Variants in GRAMD4 observed in about 807,000 individuals in gnomAD.
GRAMD4 encodes GRAM domain-containing protein 4.
In GRAMD4, 25 loss-of-function variants were observed where a neutral mutation model predicts 83.9. The ratio of observed to expected loss-of-function variants is 0.30; its 90% CI spans 0.22 to 0.42. The LOEUF is 0.42. Ranked by LOEUF, GRAMD4 falls within the 10% of genes least tolerant of loss-of-function variation. The pLI is 1.00. For missense variants in GRAMD4, 593 were observed against 788.7 expected (o/e 0.75, Z 2.97); for synonymous variants, 336 against 320.9 (o/e 1.05, Z -0.50).
At chr22:46,658,443 G>A in intron 4 of GRAMD4, 136 bp downstream of exon 4, 1 of 867,716 alleles carries the variant, frequency 1.2e-6, no homozygotes. Context: ...TGAGTGTGAG[G>A]GTGGGCCCGG....
chr22:46,589,321 G>A (rs5767278), intron 1 of GRAMD4, among the ~76,000 whole-genome samples: 29,183 of 132,248 alleles, frequency 0.22, 4,580 homozygotes, highest in East Asian at 0.61. Flanking sequence ...GATATGTGGG[G>A]GAGCCCTGGG....
At chr22:46,671,084 G>T (rs774820600) in intron 13 of GRAMD4, 1 of 469,060 alleles carries the variant, frequency 2.1e-6, no homozygotes, top group Non-Finnish European at 4.4e-6. Context: ...AGGGGCAGAG[G>T]CTGCCTGCTC....
chr22:46,640,595 C>T (rs1207148993), intron 3 of GRAMD4, among the ~76,000 whole-genome samples: 3 of 152,084 alleles, frequency 2.0e-5, no homozygotes, highest in Admixed American at 2.0e-4. Flanking sequence ...CTTGGTAGCT[C>T]GTGAAGTAAA....
intron 3 of GRAMD4, among the ~76,000 whole-genome samples, chr22:46,657,588 G>A (rs2082262878): frequency 6.6e-6 from 1 of 152,184 alleles, no homozygotes; most frequent in Non-Finnish European, 1.5e-5. Flanking sequence ...CTTTCCCAGG[G>A]TCTGTGGCCT....
intron 5 of GRAMD4, among the ~76,000 whole-genome samples, chr22:46,662,070 T>G (rs761175236): frequency 1.3e-5 from 2 of 152,164 alleles, no homozygotes; most frequent in African/African-American, 2.4e-5. Context: ...AGTCCATAAA[T>G]AAAGTCCATG....
rs145818314 is a variant in GRAMD4, at chr22:46,581,710, G to A, written c.-50+4420G>A. ...GGTGCTCTTGTTAGCTGCATTTCAC[G>A]CAGGAGGAAGCCCTGGCACAGAGCC... On this transcript the variant is annotated intron_variant, in intron 1 of 1. Coordinates refer to the GRAMD4 transcript ENST00000431155. Among the ~76,000 whole-genome samples the A allele has an allele frequency of 5.9e-5, 9 of 152,350 alleles. No individual in the cohort carries two copies. In the East Asian group the frequency reaches 1.7e-3, roughly 29 times the overall value.
At chr22:46,676,710 C>T (rs750607256) in intron 18 of GRAMD4, 42 bp downstream of exon 18, 207 of 1,521,900 alleles carry the variant, frequency 1.4e-4, no homozygotes, top group Non-Finnish European at 1.8e-4. Flanking sequence ...TGGTGTGGGC[C>T]CAGGGGCCTG....
intron 1 of GRAMD4, among the ~76,000 whole-genome samples, chr22:46,585,585 C>T (rs938750074): frequency 6.6e-6 from 1 of 152,244 alleles, no homozygotes; most frequent in African/African-American, 2.4e-5. Flanking sequence ...GAATACAAGA[C>T]TTTCACCCTT....
At chr22:46,591,405 C>T (rs5767284) in intron 1 of GRAMD4, among the ~76,000 whole-genome samples, 13,776 of 151,960 alleles carry the variant, frequency 0.091, 740 homozygotes, top group East Asian at 0.28. Context: ...AGTCCCAGCT[C>T]CTTGGGAGGC....
In GRAMD4 at chr22:46,664,027, G is replaced by C. The variant is rs2082371766; in HGVS notation, c.627G>C (p.Lys209Asn). 1.9e-6 allele frequency: 3 copies of C among 1,612,660 alleles called. No individual in the cohort carries two copies. Among genetic ancestry groups the C allele is most frequent in the Non-Finnish European group, 2.5e-6 (3 of 1,179,206 alleles). The part of the protein sequence containing the change: ...RRLTENMRRL[K>N]RGAKPVTNFV... ...CACTGTGGTCTGCTCTGTCCCCAGA[G>C]CGCGGTGCCAAGCCGGTCACTAACT... Residue 209 changes from lysine to asparagine, a missense_variant and splice_region_variant, in exon 8 of 19, where the codon AAG (lysine) becomes AAC (asparagine). Lys to Asn is a moderately conservative substitution (Grantham distance 94). Coordinates refer to ENST00000406902, the MANE Select transcript of GRAMD4 (RefSeq NM_015124.5).
intron 2 of GRAMD4, among the ~76,000 whole-genome samples, chr22:46,633,850 A>G (rs370552961): frequency 1.3e-5 from 2 of 151,980 alleles, no homozygotes; most frequent in African/African-American, 4.8e-5. Flanking sequence ...TTCTGTCCTC[A>G]GTGTGGGGCT....
At chr22:46,626,521 CG>C (rs1375698002) in intron 1 of GRAMD4, among the ~76,000 whole-genome samples, 5 of 151,782 alleles carry the variant, frequency 3.3e-5, no homozygotes, top group East Asian at 1.9e-4. Flanking sequence ...GGGTGCAGGG[CG>C]GGGGTCTCTG....
chr22:46,664,168 G>T, intron 8 of GRAMD4, 51 bp downstream of exon 8: 2 of 1,306,018 alleles, frequency 1.5e-6, no homozygotes, highest in Non-Finnish European at 2.2e-6. Context: ...GTGCCTGCCA[G>T]CATTCACCAC....
intron 1 of GRAMD4, among the ~76,000 whole-genome samples, chr22:46,605,776 A>G (rs527891385): frequency 1.9e-3 from 272 of 145,248 alleles, no homozygotes; most frequent in African/African-American, 6.8e-3. Context: ...GGTGCTGAGC[A>G]TCTCTGCATG....
Position 46,658,188 on chromosome 22 carries a change from G to C in GRAMD4, c.285G>C (p.Gln95His), listed in dbSNP as rs1351278020. ...ACCTGGCCGTTCTCTCCCCCATAGA[G>C]GAGGAGCTCCGGAAGCTGCGAGAAG... ...EIALLEKHFLQEELRKLREET... is the reference protein window; with the variant it reads ...EIALLEKHFLHEELRKLREET... The change falls in exon 4 of 19, where the codon CAG becomes CAC. Residue 95 changes from glutamine to histidine, a missense_variant and splice_region_variant. Coordinates refer to ENST00000406902, the MANE Select transcript of GRAMD4 (RefSeq NM_015124.5). The C allele has an allele frequency of 6.2e-7, 1 of 1,613,594 alleles. No individual in the cohort carries two copies. The highest frequency in any genetic ancestry group is 8.5e-7 in the Non-Finnish European group (1 of 1,179,954).
At chr22:46,668,647 A>AG (rs757778070) in intron 11 of GRAMD4, 42 bp from the exon 12 acceptor site, 1 of 1,587,338 alleles carries the variant, frequency 6.3e-7, no homozygotes, top group Non-Finnish European at 8.6e-7. Context: ...CTGACAGCCC[A>AG]GGAGCGGGGG....
chr22:46,640,990 A>C (rs2147238440), intron 3 of GRAMD4, among the ~76,000 whole-genome samples: 1 of 152,354 alleles, frequency 6.6e-6, no homozygotes, highest in South Asian at 2.1e-4. Flanking sequence ...TCAGCTGTCC[A>C]ACTTAAGCTC....
upstream of GRAMD4, among the ~76,000 whole-genome samples, chr22:46,618,626 T>G (rs2081534169): frequency 6.6e-6 from 1 of 152,100 alleles, no homozygotes; most frequent in African/African-American, 2.4e-5. The surrounding 1 kb of genome is among the most constrained non-coding windows in gnomAD (Gnocchi z 5.8). Context: ...TGATTTTGCC[T>G]TTGAAGGCCT....
intron 2 of GRAMD4, among the ~76,000 whole-genome samples, chr22:46,634,007 G>C (rs937700073): frequency 6.6e-6 from 1 of 152,250 alleles, no homozygotes; most frequent in Admixed American, 6.5e-5. Flanking sequence ...TCACCCCCGG[G>C]TGCCTGTGCT....
Sources: allele counts gnomAD v4.1 joint callset (sites outside exome capture counted in the v4.1 genomes callset), GRCh38; gene constraint gnomAD v4.1.1; non-coding constraint Gnocchi (gnomAD v3.1); transcripts MANE v1.5; gene names NCBI Gene and HGNC (gene_info 2026-07-23, HGNC 2026-07-21).